The following RXFP1 variants were observed in gnomAD, a reference collection of about 807,000 sequenced individuals.
The protein encoded by RXFP1 is relaxin family peptide receptor 1, also known as relaxin receptor 1.
Under a neutral mutation model 89.8 loss-of-function variants are expected in RXFP1, and 73 were observed. The observed-to-expected ratio is 0.81, with a 90% confidence interval of 0.67 to 0.99. RXFP1 has a LOEUF of 0.99. RXFP1 is among the 50% of genes least tolerant of loss of function. RXFP1 has a pLI of 0.00. For missense variants in RXFP1, 793 were observed against 895.5 expected, an observed-to-expected ratio of 0.89 and a Z score of 1.46; for synonymous variants, 277 against 305.5, an observed-to-expected ratio of 0.91 and a Z score of 0.97.
intron 1 of RXFP1, among the ~76,000 whole-genome samples, chr4:158,545,596 G>T (rs1320563784): frequency 6.6e-6 from 1 of 152,172 alleles, no homozygotes. Flanking sequence ...TAACATGTAA[G>T]TCTTTAATTC....
intron 2 of RXFP1, among the ~76,000 whole-genome samples, chr4:158,581,327 A>T (rs1757319279): frequency 6.6e-6 from 1 of 152,026 alleles, no homozygotes; most frequent in African/African-American, 2.4e-5. Flanking sequence ...AGGTTACATA[A>T]CTCTTCTGAC....
chr4:158,524,131 A>G (rs1560936351), intron 1 of RXFP1, among the ~76,000 whole-genome samples: 1 of 152,122 alleles, frequency 6.6e-6, no homozygotes, highest in African/African-American at 2.4e-5. Context: ...TACTTCCTGA[A>G]TCTTCACAAC....
At chr4:158,607,943 T>C in intron 5 of RXFP1, 29 bp from the exon 6 acceptor site, 2 of 1,476,918 alleles carry the variant, frequency 1.4e-6, no homozygotes, top group Non-Finnish European at 9.3e-7. Context: ...TGCTTCATTT[T>C]TTTTTCTTTT....
At chr4:158,577,869 G>A (rs886111254) in intron 2 of RXFP1, among the ~76,000 whole-genome samples, 10 of 152,172 alleles carry the variant, frequency 6.6e-5, no homozygotes, top group Non-Finnish European at 1.3e-4. Context: ...ACATATTAAG[G>A]TCCCAGTTTT....
In RXFP1 at chr4:158,593,451, T is replaced by A. The variant is rs1331911050; in HGVS notation, c.238T>A (p.Tyr80Asn). ...LQFDKYFASY[Y>N]KMTSQYPFEA... Reference sequence around the variant, plus strand: ...ATTTGACAAATATTTTGCCAGTTACTACAAAATGACTTCCCAATATCCTTT... The same window carrying A: ...ATTTGACAAATATTTTGCCAGTTACAACAAAATGACTTCCCAATATCCTTT... The change falls in exon 3 of 18, where the codon TAC becomes AAC. Residue 80 changes from tyrosine to asparagine, a missense_variant. Tyr to Asn is a moderately radical substitution (Grantham distance 143). Coordinates refer to ENST00000307765, the MANE Select transcript of RXFP1 (RefSeq NM_021634.4). 5 of 1,612,234 alleles carry A rather than the reference T, an allele frequency of 3.1e-6. No homozygotes were observed. The Admixed American group carries it at 8.4e-5, about 27-fold the overall frequency.
intron 4 of RXFP1, among the ~76,000 whole-genome samples, chr4:158,600,518 C>A (rs926153570): frequency 7.2e-5 from 11 of 152,154 alleles, no homozygotes; most frequent in African/African-American, 2.4e-4. Flanking sequence ...TTTCTCATAG[C>A]AATTAGTCCT....
intron 17 of RXFP1, among the ~76,000 whole-genome samples, chr4:158,651,267 G>A (rs1182540188): frequency 2.0e-5 from 3 of 151,890 alleles, no homozygotes; most frequent in African/African-American, 7.3e-5. Context: ...ATAAATATCT[G>A]GTCAAAAGCT....
intron 1 of RXFP1, among the ~76,000 whole-genome samples, chr4:158,529,100 A>G (rs1253550105): frequency 6.6e-6 from 1 of 152,182 alleles, no homozygotes; most frequent in African/African-American, 2.4e-5. Context: ...TTGAAAGGAC[A>G]CTCACAGAGC....
In RXFP1 at chr4:158,542,079, C is replaced by CCATA. The variant is rs56378897; in HGVS notation, c.49+20054_49+20055insCATA. On this transcript the variant is annotated intron_variant, in intron 1 of 17. Transcript: ENST00000307765. ...GGACTACAGGCAGGCGCCACCATGG[C>CCATA]TATATATATATATATATATATATAT... Among the ~76,000 whole-genome samples the CCATA allele has an allele frequency of 8.7e-4, 26 of 29,830 alleles. 9 individuals carry two copies. In the East Asian group the frequency reaches 9.5e-3, roughly 11 times the overall value. The allele number at this position is 29,830 out of a possible 152,430, so 19.6% of individuals were successfully genotyped here. A position where few individuals can be genotyped will look rare whatever the true frequency, so the allele number is the denominator to read the frequency against.
At chr4:158,528,224 G>A (rs1279109055) in intron 1 of RXFP1, among the ~76,000 whole-genome samples, 1 of 152,294 alleles carries the variant, frequency 6.6e-6, no homozygotes, top group Non-Finnish European at 1.5e-5. Context: ...GTAAGGCGGG[G>A]GGCAGTGTCT....
intron 2 of RXFP1, among the ~76,000 whole-genome samples, chr4:158,593,180 T>C (rs1050100350): frequency 3.9e-5 from 6 of 152,088 alleles, no homozygotes; most frequent in Middle Eastern, 3.2e-3. Flanking sequence ...ATAATTAAAT[T>C]AAATTTAAAA....
intron 1 of RXFP1, among the ~76,000 whole-genome samples, chr4:158,540,500 G>T (rs1198621385): frequency 6.6e-6 from 1 of 151,642 alleles, no homozygotes; most frequent in African/African-American, 2.4e-5. Flanking sequence ...GGAAGGTTTT[G>T]GCTGGCTTCT....
chr4:158,545,821 G>A (rs908894215), intron 1 of RXFP1, among the ~76,000 whole-genome samples: 17 of 152,090 alleles, frequency 1.1e-4, no homozygotes, highest in Non-Finnish European at 1.9e-4. Context: ...CTCTGTTTTG[G>A]TACCAGTGCC....
At chr4:158,586,203 C>T (rs62351166) in intron 2 of RXFP1, among the ~76,000 whole-genome samples, 1 of 152,140 alleles carries the variant, frequency 6.6e-6, no homozygotes, top group Admixed American at 6.5e-5. Flanking sequence ...AGAGACTGAG[C>T]TTTCTCTGAA....
intron 12 of RXFP1, among the ~76,000 whole-genome samples, 200 bp from the exon 13 acceptor site, chr4:158,637,808 C>T (rs1289727609): frequency 2.0e-5 from 3 of 152,092 alleles, no homozygotes; most frequent in Non-Finnish European, 4.4e-5. Flanking sequence ...AAATCATCAC[C>T]CAGGTTAATG....
Position 158,619,754 on chromosome 4 carries a change from G to A in RXFP1, c.755+2549G>A, listed in dbSNP as rs78570484. 8.7e-3 allele frequency among the ~76,000 whole-genome samples: 1,325 copies of A among 151,614 alleles called. 19 individuals are homozygous for A. Among genetic ancestry groups the A allele is most frequent in the African/African-American group, 0.03 (1,259 of 41,332 alleles). ...GACAGAAAATCCTCCTGCACCCAGG[G>A]ACCAGGCAAAGGTCCATTACTTCCA... On this transcript the variant is annotated intron_variant, in intron 9 of 17. Transcript: ENST00000307765.
intron 12 of RXFP1, among the ~76,000 whole-genome samples, chr4:158,637,601 G>T (rs1769452245): frequency 6.6e-6 from 1 of 152,044 alleles, no homozygotes; most frequent in Non-Finnish European, 1.5e-5. Context: ...TTCTTGCTGA[G>T]TTGTTTGAGT....
intron 1 of RXFP1, among the ~76,000 whole-genome samples, chr4:158,556,918 G>A (rs1338048958): frequency 2.0e-5 from 3 of 152,166 alleles, no homozygotes; most frequent in African/African-American, 7.2e-5. Context: ...GTAGAACAGT[G>A]GTGACCAGAG....
chr4:158,530,105 T>C (rs1359672264), intron 1 of RXFP1, among the ~76,000 whole-genome samples: 1 of 152,120 alleles, frequency 6.6e-6, no homozygotes, highest in Non-Finnish European at 1.5e-5. Flanking sequence ...AACAGATAAA[T>C]TTTACTTTAC....
Sources: gnomAD v4.1 joint callset for allele counts (sites outside exome capture counted in the v4.1 genomes callset) on GRCh38, gnomAD v4.1.1 for gene constraint, MANE v1.5 for transcripts, NCBI Gene and HGNC (gene_info 2026-07-23, HGNC 2026-07-21) for gene names.